The following EPB41L3 variants were observed in gnomAD, a reference collection of about 807,000 sequenced individuals.
The protein encoded by EPB41L3 is band 4.1-like protein 3.
Under a neutral mutation model 127.1 loss-of-function variants are expected in EPB41L3, and 57 were observed. That is an observed-to-expected ratio of 0.45 (90% CI 0.36 to 0.56). The LOEUF (loss-of-function observed/expected upper bound fraction) is 0.56, where lower values mean the gene tolerates loss of function less well. Among genes scored for constraint, EPB41L3 ranks in the 20% least tolerant of loss-of-function variants. The pLI, the probability that EPB41L3 is intolerant of heterozygous loss-of-function variation, is 0.00. For synonymous variants in EPB41L3, 572 were observed against 549.5 expected (o/e 1.04, Z -0.57); for missense variants, 1,273 against 1,372.2 (o/e 0.93, Z 1.14).
chr18:5,540,837 C>A (rs1215231163), intron 1 of EPB41L3, among the ~76,000 whole-genome samples: 1 of 152,124 alleles, frequency 6.6e-6, no homozygotes, highest in Admixed American at 6.5e-5. Context: ...GTAATCCCAG[C>A]ACTTTGGGAG....
intron 6 of EPB41L3, among the ~76,000 whole-genome samples, chr18:5,436,264 G>A (rs12605180): frequency 0.7 from 106,620 of 151,950 alleles, 37,524 homozygotes; most frequent in East Asian, 0.83. Flanking sequence ...AAAGTTTAAA[G>A]GTCCCCTCTA....
At chr18:5,593,664 C>T (rs1478134424) in intron 3 of EPB41L3, among the ~76,000 whole-genome samples, 1 of 152,088 alleles carries the variant, frequency 6.6e-6, no homozygotes, top group African/African-American at 2.4e-5. Flanking sequence ...CGGGAATTTC[C>T]TCGTCCTAAT....
intron 3 of EPB41L3, among the ~76,000 whole-genome samples, chr18:5,564,239 C>T (rs535682453): frequency 2.0e-5 from 3 of 152,024 alleles, no homozygotes; most frequent in Non-Finnish European, 4.4e-5. Flanking sequence ...GATACTACTA[C>T]TAATAATAAT....
intron 1 of EPB41L3, among the ~76,000 whole-genome samples, chr18:5,624,524 T>A (rs991564535): frequency 2.0e-5 from 3 of 152,222 alleles, no homozygotes; most frequent in African/African-American, 7.2e-5. Flanking sequence ...TAGGCCAATG[T>A]GGGTAGAGGG....
intron 3 of EPB41L3, among the ~76,000 whole-genome samples, chr18:5,591,441 T>C (rs1276607222): frequency 6.6e-6 from 1 of 152,170 alleles, no homozygotes; most frequent in South Asian, 2.1e-4. Context: ...GGGGGTTCCC[T>C]TGGGCCCACT....
At chr18:5,398,635 G>T in intron 16 of EPB41L3, 1 of 401,810 alleles carries the variant, frequency 2.5e-6, no homozygotes, top group South Asian at 1.3e-4. Context: ...TGGCCCCAAT[G>T]AGTGACACTG....
intron 1 of EPB41L3, among the ~76,000 whole-genome samples, chr18:5,505,514 C>T (rs1394552128): frequency 6.6e-6 from 1 of 151,536 alleles, no homozygotes; most frequent in Non-Finnish European, 1.5e-5. Context: ...TCCACCCCTA[C>T]CCTCCACACT....
chr18:5,421,500 G>A (rs2145114906), intron 11 of EPB41L3, among the ~76,000 whole-genome samples: 1 of 152,238 alleles, frequency 6.6e-6, no homozygotes, highest in South Asian at 2.1e-4. Context: ...CAAAAGGGCT[G>A]GCTCTAAGTT....
upstream of EPB41L3, among the ~76,000 whole-genome samples, chr18:5,548,043 G>C (rs757409868): frequency 6.6e-6 from 1 of 152,170 alleles, no homozygotes; most frequent in Non-Finnish European, 1.5e-5. Context: ...TATTCAACCT[G>C]ATCTGCTGCC....
intron 3 of EPB41L3, among the ~76,000 whole-genome samples, chr18:5,552,127 T>A (rs937370251): frequency 6.6e-5 from 10 of 152,264 alleles, no homozygotes; most frequent in African/African-American, 2.4e-4. Flanking sequence ...CTGGATGACA[T>A]GTGCATGTGC....
At chr18:5,416,519 T>G in intron 12 of EPB41L3, 141 bp from the exon 13 acceptor site, 1 of 843,066 alleles carries the variant, frequency 1.2e-6, no homozygotes, top group Non-Finnish European at 1.8e-6. Flanking sequence ...GGGTTGCTCA[T>G]GAATGTTAAA....
At chr18:5,519,655 C>T (rs543234212) in intron 1 of EPB41L3, among the ~76,000 whole-genome samples, 2 of 152,302 alleles carry the variant, frequency 1.3e-5, no homozygotes, top group Admixed American at 6.5e-5. Flanking sequence ...ATTTTCTCAC[C>T]GAGTGACTAC....
At chr18:5,467,307 G>A (rs955200086) in intron 3 of EPB41L3, 9 of 152,194 alleles carry the variant, frequency 5.9e-5, no homozygotes, top group African/African-American at 9.7e-5. Context: ...GTATAATCAT[G>A]AGAGTATAAA....
chr18:5,511,086 A>G (rs1255580296), intron 1 of EPB41L3, among the ~76,000 whole-genome samples: 1 of 152,088 alleles, frequency 6.6e-6, no homozygotes, highest in Admixed American at 6.6e-5. Context: ...TATGCAGTGA[A>G]AGAGCAAAGA....
chr18:5,407,912 A>G (rs2322093), intron 14 of EPB41L3, among the ~76,000 whole-genome samples, 176 bp from the exon 15 acceptor site: 142,272 of 152,258 alleles, frequency 0.93, 66,764 homozygotes, highest in Non-Finnish European at 0.98. Flanking sequence ...TAGGAAGCTT[A>G]ATAAGAATAT....
intron 3 of EPB41L3, among the ~76,000 whole-genome samples, chr18:5,551,812 A>G (rs1289758773): frequency 6.6e-6 from 1 of 152,198 alleles, no homozygotes; most frequent in Non-Finnish European, 1.5e-5. Context: ...TTTCGTGTAC[A>G]TTTGAAAGGT....
chr18:5,474,103 C>T (rs544884537), intron 3 of EPB41L3, among the ~76,000 whole-genome samples: 6 of 151,886 alleles, frequency 4.0e-5, no homozygotes, highest in South Asian at 2.1e-4. Context: ...TGGTGGTGGG[C>T]GCCTGTAGTC....
chr18:5,445,157 C>A lies in EPB41L3; in HGVS notation c.469G>T (p.Asp157Tyr), dbSNP rs769452515. The A allele has an allele frequency of 1.2e-6, 2 of 1,614,022 alleles. No homozygotes were observed. The highest frequency in any genetic ancestry group is 1.3e-5 in the African/African-American group (1 of 75,054). The change falls in exon 4 of 23, where the codon GAT becomes TAT. Residue 157 changes from aspartate to tyrosine, a missense_variant. By Grantham distance (160) the Asp-to-Tyr change is radical. Coordinates refer to ENST00000341928, the MANE Select transcript of EPB41L3 (RefSeq NM_012307.5). ...EKDYFGLTYR[D>Y]AENQKNWLDP... ...TCACTCACCTTCTGGTTTTCAGCAT[C>A]TCGATACGTAAGCCCAAAGTAGTCT...
At chr18:5,622,705 T>C (rs1178887149) in intron 1 of EPB41L3, among the ~76,000 whole-genome samples, 1 of 152,220 alleles carries the variant, frequency 6.6e-6, no homozygotes, top group Non-Finnish European at 1.5e-5. Flanking sequence ...TAGCAGCAAC[T>C]GCTTTTAAAT....
Sources: gnomAD v4.1 joint callset for allele counts (sites outside exome capture counted in the v4.1 genomes callset) on GRCh38, gnomAD v4.1.1 for gene constraint, MANE v1.5 for transcripts, NCBI Gene and HGNC (gene_info 2026-07-23, HGNC 2026-07-21) for gene names.